C8orf89: variants seen among roughly 807,000 people sequenced by gnomAD.
C8orf89 encodes the protein putative uncharacterized protein C8orf89.
C8orf89 carries 14 observed loss-of-function variants against 15.8 expected under a neutral mutation model. That is an observed-to-expected ratio of 0.89 (90% CI 0.59 to 1.39). C8orf89 has a LOEUF of 1.39. Among genes scored for constraint, C8orf89 ranks in the 40% most tolerant of loss-of-function variants. The pLI, the probability that C8orf89 is intolerant of heterozygous loss-of-function variation, is 0.00. For missense variants in C8orf89, 181 were observed against 184.5 expected (o/e 0.98, Z 0.11); for synonymous variants, 55 against 62.2 (o/e 0.88, Z 0.54).
the C8orf89 span, among the ~76,000 whole-genome samples, chr8:73,283,119 A>C: frequency 2.0e-5 from 3 of 152,320 alleles, no homozygotes; most frequent in Non-Finnish European, 2.9e-5. Flanking sequence ...TGAGAGAAAG[A>C]AGAAAAGCCA....
At chr8:73,268,260 A>G in the C8orf89 span, among the ~76,000 whole-genome samples, 1 of 152,232 alleles carries the variant, frequency 6.6e-6, no homozygotes, top group South Asian at 2.1e-4. Context: ...CAGGCAGATC[A>G]CGAGGTCAGG....
At chr8:73,277,106 C>T in the C8orf89 span, among the ~76,000 whole-genome samples, 1 of 152,130 alleles carries the variant, frequency 6.6e-6, no homozygotes, top group Non-Finnish European at 1.5e-5. Context: ...TGCGCCCATC[C>T]CGGCAGTCAA....
chr8:73,267,162 T>C, the C8orf89 span, among the ~76,000 whole-genome samples: 1 of 152,180 alleles, frequency 6.6e-6, no homozygotes, highest in East Asian at 1.9e-4. Flanking sequence ...AAACTGTGGA[T>C]AGTACTGAAC....
At chr8:73,272,671 T>A in the C8orf89 span, among the ~76,000 whole-genome samples, 5 of 152,048 alleles carry the variant, frequency 3.3e-5, no homozygotes, top group Non-Finnish European at 7.4e-5. Context: ...GTTCTCATTG[T>A]TCAATTCCCA....
At chr8:73,249,381 C>CT (rs970700091) in intron 3 of C8orf89, among the ~76,000 whole-genome samples, 18 of 152,006 alleles carry the variant, frequency 1.2e-4, no homozygotes, top group Middle Eastern at 6.8e-3. Flanking sequence ...CTGTGGTTTT[C>CT]TTTTTTTGTT....
At chr8:73,263,817 A>G (rs1291950521), upstream of C8orf89, among the ~76,000 whole-genome samples, 3 of 152,188 alleles carry the variant, frequency 2.0e-5, no homozygotes, top group African/African-American at 7.2e-5. Context: ...AGAGTTCTAT[A>G]TTGGTGATGG....
intron 2 of C8orf89, among the ~76,000 whole-genome samples, chr8:73,255,571 A>C (rs1813354414): frequency 6.6e-6 from 1 of 151,670 alleles, no homozygotes; most frequent in Non-Finnish European, 1.5e-5. Flanking sequence ...GGGATCTAGA[A>C]CTAGAAATAC....
chr8:73,246,028 T>C (rs1188285190), intron 3 of C8orf89, among the ~76,000 whole-genome samples: 2 of 152,060 alleles, frequency 1.3e-5, no homozygotes, highest in Non-Finnish European at 2.9e-5. Flanking sequence ...AAAAGAAAAT[T>C]CATGGCAATC....
At chr8:73,279,300 G>C in the C8orf89 span, among the ~76,000 whole-genome samples, 76 of 152,300 alleles carry the variant, frequency 5.0e-4, 1 homozygote, top group Admixed American at 2.8e-3. Flanking sequence ...GCTATGCAGA[G>C]AGGTTTTTCA....
chr8:73,248,196 A>G (rs1426136599), intron 3 of C8orf89, among the ~76,000 whole-genome samples: 1 of 152,202 alleles, frequency 6.6e-6, no homozygotes, highest in African/African-American at 2.4e-5. Context: ...TTGAATAGGG[A>G]GAACTTTCCC....
intron 2 of C8orf89, among the ~76,000 whole-genome samples, chr8:73,256,642 C>T (rs1004421206): frequency 8.2e-5 from 12 of 145,670 alleles, no homozygotes; most frequent in African/African-American, 2.6e-4. Context: ...GCAGGAGAAT[C>T]GCTGGAATCC....
At position 73,256,981 on chromosome 8, in the gene C8orf89, A is replaced by C. The variant is rs1563533060; in HGVS notation, c.273T>G (p.Ser91=). ...AAATAGCAATGATCTACCTGACTGC[A>C]GACACCTCGGCATCAGCACGTGGCA... ...KRLPRADAEV[S]AVRLKKTKET... is the part of the protein sequence containing the mutation. The change falls in exon 2 of 4, where the codon TCT becomes TCG. Residue 91 remains serine, a synonymous_variant. Coordinates refer to ENST00000624510, the MANE Select transcript of C8orf89 (RefSeq NM_001243237.3). 2 of 1,533,966 alleles carry C rather than the reference A, an allele frequency of 1.3e-6. No individual in the cohort carries two copies. The highest frequency in any genetic ancestry group is 1.2e-5 in the South Asian group (1 of 83,562).
chr8:73,259,758 T>G (rs1378264111), upstream of C8orf89, among the ~76,000 whole-genome samples: 1 of 152,178 alleles, frequency 6.6e-6, no homozygotes, highest in East Asian at 1.9e-4. Context: ...AAGACAAATT[T>G]TATGCTCCAT....
chr8:73,250,592 G>A (rs1563531120), intron 2 of C8orf89, among the ~76,000 whole-genome samples: 2 of 151,992 alleles, frequency 1.3e-5, no homozygotes, highest in African/African-American at 2.4e-5. Context: ...TAAGTGGGAG[G>A]GAATCAAGAT....
chr8:73,264,867 G>T, the C8orf89 span, among the ~76,000 whole-genome samples: 1 of 152,162 alleles, frequency 6.6e-6, no homozygotes, highest in Admixed American at 6.5e-5. Context: ...AAAGTGAAGA[G>T]CACTCTTCAC....
chr8:73,263,187 G>A (rs7017050), upstream of C8orf89, among the ~76,000 whole-genome samples: 8,988 of 152,140 alleles, frequency 0.059, 692 homozygotes, highest in African/African-American at 0.18. Context: ...TATTTTTAAG[G>A]CACCCCCAAA....
At chr8:73,242,546 G>C (rs1288249742) in intron 3 of C8orf89, among the ~76,000 whole-genome samples, 1 of 152,060 alleles carries the variant, frequency 6.6e-6, no homozygotes, top group Non-Finnish European at 1.5e-5. Context: ...CAGCAAACAG[G>C]CATATGAAAT....
At chr8:73,284,531 A>G in the C8orf89 span, among the ~76,000 whole-genome samples, 833 of 152,218 alleles carry the variant, frequency 5.5e-3, 8 homozygotes, top group African/African-American at 0.019. Flanking sequence ...CATAAGTGAA[A>G]AAAGACATTT....
At chr8:73,253,037 A>G (rs915836668) in intron 2 of C8orf89, among the ~76,000 whole-genome samples, 1 of 152,172 alleles carries the variant, frequency 6.6e-6, no homozygotes, top group Admixed American at 6.5e-5. Context: ...CAGCTACTCC[A>G]GAGGCTGAGG....
Sources: gnomAD v4.1 joint callset for allele counts (sites outside exome capture counted in the v4.1 genomes callset) on GRCh38, gnomAD v4.1.1 for gene constraint, MANE v1.5 for transcripts, NCBI Gene and HGNC (gene_info 2026-07-23, HGNC 2026-07-21) for gene names.